The following ZNF654 variants were observed in gnomAD, a reference collection of about 807,000 sequenced individuals.
The protein encoded by ZNF654 is zinc finger protein 654.
ZNF654 carries 19 observed loss-of-function variants against 95.3 expected under a neutral mutation model. The ratio of observed to expected loss-of-function variants is 0.20; its 90% CI spans 0.14 to 0.29. The LOEUF is 0.29. ZNF654 is among the 10% of genes least tolerant of loss of function. The pLI is 1.00. For synonymous variants in ZNF654, 413 were observed against 457.9 expected, an observed-to-expected ratio of 0.90 and a Z score of 1.25; for missense variants, 1,046 against 1,341.0, an observed-to-expected ratio of 0.78 and a Z score of 3.44.
chr3:88,118,247 A>G (rs2107788174), intron 3 of ZNF654, among the ~76,000 whole-genome samples: 1 of 152,222 alleles, frequency 6.6e-6, no homozygotes, highest in Non-Finnish European at 1.5e-5. Flanking sequence ...TCCCTGAGAC[A>G]CAACCTGTTT....
At chr3:88,136,247 A>G (rs1215384586) in intron 7 of ZNF654, among the ~76,000 whole-genome samples, 2 of 152,234 alleles carry the variant, frequency 1.3e-5, no homozygotes, top group African/African-American at 2.4e-5. Context: ...ATATATTATT[A>G]TAGAAAGTTT....
chr3:88,124,750 T>G (rs1014446208), intron 3 of ZNF654, among the ~76,000 whole-genome samples: 3 of 147,734 alleles, frequency 2.0e-5, no homozygotes, highest in Non-Finnish European at 3.0e-5. Context: ...TTGCTTGTGT[T>G]TTGATTGATG....
At chr3:88,105,460 T>C (rs561333920) in intron 2 of ZNF654, among the ~76,000 whole-genome samples, 1 of 152,214 alleles carries the variant, frequency 6.6e-6, no homozygotes, top group Non-Finnish European at 1.5e-5. Flanking sequence ...TTTCCATTCT[T>C]TTCCTGTTAT....
intron 2 of ZNF654, among the ~76,000 whole-genome samples, chr3:88,107,126 T>A: frequency 6.6e-6 from 1 of 152,218 alleles, no homozygotes; most frequent in East Asian, 1.9e-4. Context: ...TTTTACTGTA[T>A]GTAAATGTGT....
chr3:88,066,712 C>T (rs369009705), intron 1 of ZNF654, among the ~76,000 whole-genome samples: 2 of 152,214 alleles, frequency 1.3e-5, no homozygotes, highest in South Asian at 2.1e-4. Context: ...ACAAGTAAGG[C>T]ACCATTTGTA....
chr3:88,083,642 C>G (rs750592474), intron 1 of ZNF654, among the ~76,000 whole-genome samples: 6 of 152,158 alleles, frequency 3.9e-5, no homozygotes, highest in Non-Finnish European at 8.8e-5. Context: ...TAAAAGATTG[C>G]TAGCCTTAAT....
At chr3:88,079,272 C>T (rs1707963442) in intron 1 of ZNF654, among the ~76,000 whole-genome samples, 1 of 151,936 alleles carries the variant, frequency 6.6e-6, no homozygotes, top group African/African-American at 2.4e-5. Context: ...GAGGAACATC[C>T]ACATTTTGGA....
chr3:88,091,572 T>G (rs1403404521), intron 2 of ZNF654, among the ~76,000 whole-genome samples: 1 of 152,204 alleles, frequency 6.6e-6, no homozygotes, highest in Non-Finnish European at 1.5e-5. Context: ...TCTCTTGCAT[T>G]GCCTGCTAGC....
intron 2 of ZNF654, among the ~76,000 whole-genome samples, chr3:88,094,727 T>A (rs927097179): frequency 3.3e-5 from 5 of 152,132 alleles, no homozygotes; most frequent in African/African-American, 1.2e-4. Flanking sequence ...TGAATTTTTT[T>A]ATTTTGAATG....
chr3:88,104,877 G>T (rs144899785), intron 2 of ZNF654, among the ~76,000 whole-genome samples: 1 of 152,176 alleles, frequency 6.6e-6, no homozygotes, highest in Non-Finnish European at 1.5e-5. Context: ...AGTGGCTTAC[G>T]CCTGTAATCC....
chr3:88,065,834 C>T lies in ZNF654; in HGVS notation c.186+6329C>T, dbSNP rs149401088. The stretch of plus-strand genomic sequence containing the variant: ...CTCCCTGTCCGGGGCTAAAGCGCTT[C>T]TCAGCACCCATCAGCCCCCACCCCC... On this transcript the variant is annotated intron_variant, in intron 1 of 8. Coordinates refer to ENST00000636215, the MANE Select transcript of ZNF654 (RefSeq NM_001350134.2). Among the ~76,000 whole-genome samples, 360 of 152,258 alleles carry T rather than the reference C, an allele frequency of 2.4e-3. 2 individuals carry two copies. Among genetic ancestry groups the T allele is most frequent in the African/African-American group, 8.3e-3 (345 of 41,560 alleles).
intron 7 of ZNF654, chr3:88,135,469 A>G (rs1706720422): frequency 4.3e-6 from 1 of 231,372 alleles, no homozygotes; most frequent in East Asian, 8.4e-5. Flanking sequence ...TACTTTCAAT[A>G]TTATCCTAAA....
chr3:88,090,910 G>T (rs535131322), intron 2 of ZNF654, among the ~76,000 whole-genome samples: 1 of 152,206 alleles, frequency 6.6e-6, no homozygotes, highest in Non-Finnish European at 1.5e-5. Context: ...GAAAGTTTAC[G>T]AATTTGTGTT....
Position 88,135,042 on chromosome 3 carries a change from C to CT in ZNF654, c.894-12dup, listed in dbSNP as rs200735088. On this transcript the variant is annotated intron_variant, in intron 6 of 8. Coordinates refer to ENST00000636215, the MANE Select transcript of ZNF654 (RefSeq NM_001350134.2). ...AATAAACTGTATTTTTGATAATTCTCTTTTTTTCTCATTTACAGGGAGTTG... is the reference window on the plus strand; with the variant it reads ...AATAAACTGTATTTTTGATAATTCTCTTTTTTTTCTCATTTACAGGGAGTTG... 18,947 of 1,363,410 alleles carry CT rather than the reference C, an allele frequency of 0.014. 178 individuals carry two copies. The highest frequency in any genetic ancestry group is 0.015 in the Non-Finnish European group (16,148 of 1,057,152). The allele number at this position is 1,363,410 out of a possible 1,614,324, so 84.5% of individuals were successfully genotyped here.
chr3:88,072,561 T>G (rs1403896588), intron 1 of ZNF654, among the ~76,000 whole-genome samples: 2 of 152,198 alleles, frequency 1.3e-5, no homozygotes, highest in Admixed American at 1.3e-4. Context: ...CATTTGGATA[T>G]TATATAGTTT....
intron 4 of ZNF654, among the ~76,000 whole-genome samples, chr3:88,127,353 A>G (rs1706172176): frequency 6.6e-6 from 1 of 152,074 alleles, no homozygotes; most frequent in South Asian, 2.1e-4. Context: ...CAAGACTAGG[A>G]GGATAGGGCT....
intron 1 of ZNF654, 81 bp downstream of exon 1, chr3:88,059,586 C>G (rs1706722036): frequency 6.9e-7 from 1 of 1,439,824 alleles, no homozygotes; most frequent in Non-Finnish European, 9.1e-7. Flanking sequence ...GTCCATGAAT[C>G]TGGTCTATGT....
chr3:88,092,248 T>TA (rs1440997519), intron 2 of ZNF654, among the ~76,000 whole-genome samples: 1 of 152,180 alleles, frequency 6.6e-6, no homozygotes, highest in African/African-American at 2.4e-5. Flanking sequence ...TTCTAACAAT[T>TA]ACTGCATAAT....
intron 2 of ZNF654, among the ~76,000 whole-genome samples, chr3:88,106,285 G>C (rs374666999): frequency 3.0e-4 from 45 of 152,076 alleles, no homozygotes; most frequent in African/African-American, 1.0e-3. Flanking sequence ...ATTGTTATAG[G>C]GATGTTAAGC....
Sources: allele counts gnomAD v4.1 joint callset (sites outside exome capture counted in the v4.1 genomes callset), GRCh38; gene constraint gnomAD v4.1.1; transcripts MANE v1.5; gene names NCBI Gene and HGNC (gene_info 2026-07-23, HGNC 2026-07-21).